WFDC2: variants seen among roughly 807,000 people sequenced by gnomAD.
The protein encoded by WFDC2 is WAP four-disulfide core domain protein 2.
WFDC2 carries 8 observed loss-of-function variants against 12.5 expected under a neutral mutation model. The observed-to-expected ratio is 0.64, with a 90% CI of 0.37 to 1.15. The LOEUF (loss-of-function observed/expected upper bound fraction) is 1.15, where lower values mean the gene tolerates loss of function less well. Among genes scored for constraint, WFDC2 ranks in the 50% most tolerant of loss-of-function variants. WFDC2 has a pLI of 0.01. For synonymous variants in WFDC2, 74 were observed against 67.2 expected (o/e 1.10, Z -0.49); for missense variants, 166 against 159.9 (o/e 1.04, Z -0.21).
rs1047876535 is a variant in WFDC2 at position 45,470,007 on chromosome 20, G to A, written c.79+147G>A. On this transcript the variant is annotated intron_variant, in intron 1 of 3. Transcript: ENST00000372676. The surrounding 1 kb of genome is among the most constrained non-coding windows in gnomAD (Gnocchi z 5.4). Reference sequence around the variant, plus strand: ...CGGGGACCCTTGGAGCCTAGGGTGTGGGGTCCAATGTGCTGGAGGTGGAGA... The same window carrying A: ...CGGGGACCCTTGGAGCCTAGGGTGTAGGGTCCAATGTGCTGGAGGTGGAGA... 1.2e-5 allele frequency: 12 copies of A among 1,001,830 alleles called. No individual in the cohort carries two copies. In the Middle Eastern group the frequency reaches 9.0e-4, roughly 75 times the overall value. 62.1% of individuals were successfully genotyped at this position (1,001,830 alleles called of 1,614,324 possible). A position where few individuals can be genotyped will look rare whatever the true frequency, so the allele number is the denominator to read the frequency against.
intron 2 of WFDC2, chr20:45,479,589 A>C (rs1328540773): frequency 1.5e-6 from 2 of 1,313,766 alleles, no homozygotes; most frequent in Non-Finnish European, 2.2e-6. Flanking sequence ...TCAGGGAGAA[A>C]TAATATATGT....
In WFDC2 at chr20:45,470,530, A is replaced by G. The variant is rs767090148; in HGVS notation, c.221A>G (p.Asn74Ser). The change falls in exon 2 of 4, where the codon AAT (asparagine) becomes AGT (serine). Residue 74 changes from asparagine (N) to serine (S), a missense_variant and splice_region_variant. Physicochemically the swap from Asn to Ser is conservative, Grantham distance 46. Transcript: ENST00000372676. This position sits in a 1 kb window ranked among gnomAD's most constrained non-coding sequence, Gnocchi z 5.4. ...TGTGCCACCTTCTGCTCTCTGCCCAATGGTAACCCCACGGCGGCCGAGCGG... is the reference window on the plus strand; with the variant it reads ...TGTGCCACCTTCTGCTCTCTGCCCAGTGGTAACCCCACGGCGGCCGAGCGG... ...AGCATFCSLP[N>S]DKEGSCPQVN... 8.2e-6 allele frequency: 13 copies of G among 1,595,024 alleles called. No individual in the cohort carries two copies. The highest frequency in any genetic ancestry group is 1.7e-4 in the Middle Eastern group (1 of 6,044).
intron 1 of WFDC2, 47 bp downstream of exon 1, chr20:45,469,907 G>T (rs765858989): frequency 3.2e-6 from 5 of 1,568,492 alleles, no homozygotes; most frequent in Admixed American, 3.7e-5. Flanking sequence ...GCCGAGCCAC[G>T]AGCGCCAGGA....
chr20:45,479,875 C>A (rs768215682), intron 2 of WFDC2, 67 bp from the exon 3 acceptor site: 3 of 1,613,970 alleles, frequency 1.9e-6, no homozygotes, highest in Non-Finnish European at 2.5e-6. Context: ...GGGGGCCATG[C>A]TGCAGGTACA....
chr20:45,473,615 G>A (rs532471753), intron 2 of WFDC2, among the ~76,000 whole-genome samples: 15 of 152,268 alleles, frequency 9.9e-5, no homozygotes, highest in South Asian at 4.1e-4. Context: ...GTCAGTTAGC[G>A]TGATGCTTCC....
chr20:45,470,326 G>T lies in WFDC2; in HGVS notation c.80-63G>T. On this transcript the variant is annotated intron_variant, in intron 1 of 3. Coordinates refer to ENST00000372676, the MANE Select transcript of WFDC2 (RefSeq NM_006103.4). This position sits in a 1 kb window ranked among gnomAD's most constrained non-coding sequence, Gnocchi z 5.4. Reference sequence around the variant, plus strand: ...TTGGGGTTAAGGTTTGGAGCAGGAGGTGGGCATCCTCTGGGGCTGGCGCTA... The same window carrying T: ...TTGGGGTTAAGGTTTGGAGCAGGAGTTGGGCATCCTCTGGGGCTGGCGCTA... The T allele has an allele frequency of 6.6e-7, 1 of 1,519,696 alleles. No individual in the cohort carries two copies. The highest frequency in any genetic ancestry group is 8.9e-7 in the Non-Finnish European group (1 of 1,129,486). 94.1% of individuals were successfully genotyped at this position (1,519,696 alleles called of 1,614,324 possible). A position where few individuals can be genotyped will look rare whatever the true frequency, so the allele number is the denominator to read the frequency against.
chr20:45,480,485 G>A (rs117714649), intron 3 of WFDC2, among the ~76,000 whole-genome samples: 5,486 of 151,938 alleles, frequency 0.036, 150 homozygotes, highest in Non-Finnish European at 0.054. Context: ...TGGGTGTGGT[G>A]GCGGGTGCCA....
rs762571477 is a variant in WFDC2, at chr20:45,470,500, C to A, written c.191C>A (p.Ala64Glu). 4.4e-6 allele frequency: 7 copies of A among 1,599,414 alleles called. No homozygotes were observed. ...ECADNLKCCSAGCATFCSLPN... is the reference protein window; with the variant it reads ...ECADNLKCCSEGCATFCSLPN... ...GCCGACAACCTCAAGTGCTGCAGCGCGGGCTGTGCCACCTTCTGCTCTCTG... is the reference window on the plus strand; with the variant it reads ...GCCGACAACCTCAAGTGCTGCAGCGAGGGCTGTGCCACCTTCTGCTCTCTG... Residue 64 changes from alanine (A) to glutamate (E), a missense_variant, in exon 2 of 4, where the codon GCG (alanine) becomes GAG (glutamate). Physicochemically the swap from Ala to Glu is moderately radical, Grantham distance 107. Transcript: ENST00000372676. The surrounding 1 kb of genome is among the most constrained non-coding windows in gnomAD (Gnocchi z 5.4).
rs772150522 is a variant in WFDC2 at position 45,479,989 on chromosome 20, G to A, written c.271G>A (p.Gly91Ser). 9.9e-6 allele frequency: 16 copies of A among 1,614,068 alleles called. No homozygotes were observed. Among genetic ancestry groups the A allele is most frequent in the African/African-American group, 1.3e-5 (1 of 74,922 alleles). Residue 91 changes from glycine to serine, a missense_variant, in exon 3 of 4, where the codon GGC becomes AGC. Transcript: ENST00000372676. ...GGTGAACATTAACTTTCCCCAGCTC[G>A]GCCTCTGTCGGGACCAGTGCCAGGT... ...PQVNINFPQL[G>S]LCRDQCQVDS...
intron 2 of WFDC2, among the ~76,000 whole-genome samples, chr20:45,475,540 A>G (rs1310191933): frequency 6.6e-6 from 1 of 152,200 alleles, no homozygotes; most frequent in African/African-American, 2.4e-5. Flanking sequence ...CTGTGGTCTG[A>G]GAGACTGTTA....
At chr20:45,477,061 A>G (rs559737741) in intron 2 of WFDC2, among the ~76,000 whole-genome samples, 1 of 152,006 alleles carries the variant, frequency 6.6e-6, no homozygotes, top group Admixed American at 6.5e-5. Flanking sequence ...TGGTTAATCT[A>G]GTTAGCAATT....
chr20:45,475,100 A>G (rs1009334351), intron 2 of WFDC2, among the ~76,000 whole-genome samples: 2 of 151,994 alleles, frequency 1.3e-5, no homozygotes, highest in African/African-American at 4.8e-5. Context: ...CAGTCAGACT[A>G]TTTTGTTGAT....
chr20:45,479,867 G>T, intron 2 of WFDC2, 75 bp from the exon 3 acceptor site: 1 of 1,614,034 alleles, frequency 6.2e-7, no homozygotes, highest in Non-Finnish European at 8.5e-7. Context: ...GGCAGTGGGG[G>T]GGCCATGCTG....
In WFDC2 at chr20:45,470,247, A is replaced by G; in HGVS notation, c.80-142A>G. On this transcript the variant is annotated intron_variant, in intron 1 of 3. Coordinates refer to ENST00000372676, the MANE Select transcript of WFDC2 (RefSeq NM_006103.4). The surrounding 1 kb of genome is among the most constrained non-coding windows in gnomAD (Gnocchi z 5.4). ...GGGTCAGGGACTCCTGGTCTGGAAG[A>G]AGGAGTCTCTGGGGGCTGTAAGGGG... 8.3e-7 allele frequency: 1 copy of G among 1,211,408 alleles called. No homozygotes were observed. Among genetic ancestry groups the G allele is most frequent in the Non-Finnish European group, 1.1e-6 (1 of 895,112 alleles). The allele number at this position is 1,211,408 out of a possible 1,614,324, so 75.0% of individuals were successfully genotyped here. A position where few individuals can be genotyped will look rare whatever the true frequency, so the allele number is the denominator to read the frequency against.
At chr20:45,478,933 C>T (rs537082316) in intron 2 of WFDC2, among the ~76,000 whole-genome samples, 2 of 152,380 alleles carry the variant, frequency 1.3e-5, no homozygotes, top group East Asian at 3.9e-4. Flanking sequence ...TTGTCCTCTA[C>T]AGCTAATCAC....
At chr20:45,476,686 T>G (rs1991237036) in intron 2 of WFDC2, among the ~76,000 whole-genome samples, 1 of 152,202 alleles carries the variant, frequency 6.6e-6, no homozygotes, top group Admixed American at 6.5e-5. Context: ...TTTGAGGTGT[T>G]CTCTGTATTT....
chr20:45,479,923 T>C lies in WFDC2; in HGVS notation c.224-19T>C. The C allele has an allele frequency of 6.2e-7, 1 of 1,614,222 alleles. No individual in the cohort carries two copies. Among genetic ancestry groups the C allele is most frequent in the South Asian group, 1.1e-5 (1 of 91,086 alleles). ...TGTATCGCCTCTGCCCACTTACCCT[T>C]ACTCCTTTTTCTACCCAGATAAGGA... On this transcript the variant is annotated intron_variant, in intron 2 of 3. Coordinates refer to ENST00000372676, the MANE Select transcript of WFDC2 (RefSeq NM_006103.4).
chr20:45,473,840 G>A (rs1207026354), intron 2 of WFDC2, among the ~76,000 whole-genome samples: 22 of 152,092 alleles, frequency 1.4e-4, no homozygotes, highest in Admixed American at 1.4e-3. Context: ...CCATTTGTTT[G>A]TATCCTCTCT....
intron 3 of WFDC2, among the ~76,000 whole-genome samples, chr20:45,480,841 G>T (rs1018242467): frequency 3.9e-5 from 6 of 152,176 alleles, no homozygotes; most frequent in Non-Finnish European, 8.8e-5. Context: ...TCTCCCTGGA[G>T]CCAGGGCTCT....
Sources: allele counts gnomAD v4.1 joint callset (sites outside exome capture counted in the v4.1 genomes callset), GRCh38; gene constraint gnomAD v4.1.1; non-coding constraint Gnocchi (gnomAD v3.1); transcripts MANE v1.5; gene names NCBI Gene and HGNC (gene_info 2026-07-23, HGNC 2026-07-21).